The following ENOX1 variants were observed in gnomAD, a reference collection of about 807,000 sequenced individuals.
The protein encoded by ENOX1 is candidate growth-related and time keeping constitutive hydroquinone (NADH) oxidase.
ENOX1 carries 42 observed loss-of-function variants against 82.5 expected under a neutral mutation model. The ratio of observed to expected loss-of-function variants is 0.51; its 90% CI spans 0.40 to 0.66. The LOEUF (loss-of-function observed/expected upper bound fraction) is 0.66, where lower values mean the gene tolerates loss of function less well. Ranked by LOEUF, ENOX1 falls within the 30% of genes least tolerant of loss-of-function variation. The pLI, the probability that ENOX1 is intolerant of heterozygous loss-of-function variation, is 0.00. For missense variants in ENOX1, 608 were observed against 811.6 expected (o/e 0.75, Z 3.05); for synonymous variants, 271 against 282.2 (o/e 0.96, Z 0.40).
At chr13:43,766,551 T>C (rs891667540) in intron 1 of ENOX1, among the ~76,000 whole-genome samples, 26 of 152,112 alleles carry the variant, frequency 1.7e-4, no homozygotes, top group African/African-American at 6.0e-4. Context: ...CTGCTATAGC[T>C]CAACTGTAGA....
intron 1 of ENOX1, among the ~76,000 whole-genome samples, chr13:43,742,393 C>T (rs1949785518): frequency 6.6e-6 from 1 of 151,758 alleles, no homozygotes; most frequent in Non-Finnish European, 1.5e-5. Flanking sequence ...AAAATGGATA[C>T]TCAAGCAAAG....
chr13:43,413,195 A>G (rs2054239519), intron 3 of ENOX1, among the ~76,000 whole-genome samples: 1 of 152,122 alleles, frequency 6.6e-6, no homozygotes, highest in Non-Finnish European at 1.5e-5. Context: ...GGGTCAACTC[A>G]TCGACTCACC....
At chr13:43,392,557 C>T (rs1462766876) in intron 5 of ENOX1, among the ~76,000 whole-genome samples, 1 of 152,012 alleles carries the variant, frequency 6.6e-6, no homozygotes, top group Admixed American at 6.6e-5. Flanking sequence ...TAGCCAGGCG[C>T]AGTGGCAGGT....
chr13:43,439,393 G>A (rs1594611141), intron 3 of ENOX1, among the ~76,000 whole-genome samples: 2 of 151,994 alleles, frequency 1.3e-5, no homozygotes, highest in Non-Finnish European at 2.9e-5. Context: ...ATAGAGACAG[G>A]GTTTCACCAT....
intron 2 of ENOX1, among the ~76,000 whole-genome samples, chr13:43,584,568 C>T (rs906510952): frequency 9.2e-5 from 14 of 152,148 alleles, no homozygotes; most frequent in Non-Finnish European, 1.8e-4. Context: ...TACAAAAATG[C>T]CACATTCCAA....
chr13:43,604,309 GA>G (rs2081882339), intron 2 of ENOX1, among the ~76,000 whole-genome samples: 1 of 151,876 alleles, frequency 6.6e-6, no homozygotes, highest in Non-Finnish European at 1.5e-5. Context: ...AGTAGGTTGC[GA>G]AAATTTTCTC....
At chr13:43,745,878 T>C (rs1471874167) in intron 1 of ENOX1, among the ~76,000 whole-genome samples, 36 of 152,170 alleles carry the variant, frequency 2.4e-4, no homozygotes, top group Admixed American at 2.4e-3. Flanking sequence ...TGCTGCCATG[T>C]GAAGAAGGAC....
At chr13:43,594,239 A>G (rs1045304074) in intron 2 of ENOX1, among the ~76,000 whole-genome samples, 2 of 147,184 alleles carry the variant, frequency 1.4e-5, no homozygotes, top group African/African-American at 5.0e-5. Flanking sequence ...ACAGCAAGTT[A>G]CTTCTGTCTA....
At chr13:43,752,333 C>T (rs1950369142) in intron 1 of ENOX1, among the ~76,000 whole-genome samples, 1 of 151,962 alleles carries the variant, frequency 6.6e-6, no homozygotes, top group Non-Finnish European at 1.5e-5. Context: ...TGTGGTTTAT[C>T]TTTGCATTCT....
At chr13:43,334,196 C>T (rs929232096) in intron 9 of ENOX1, among the ~76,000 whole-genome samples, 6 of 152,170 alleles carry the variant, frequency 3.9e-5, no homozygotes, top group African/African-American at 9.6e-5. Flanking sequence ...AGTTTTGCAA[C>T]GACTGTCTGA....
At position 43,354,299 on chromosome 13, in the gene ENOX1, T is replaced by A. The variant is rs1394373799; in HGVS notation, c.823+1620A>T. On this transcript the variant is annotated intron_variant, in intron 8 of 16. Transcript: ENST00000690772. The stretch of plus-strand genomic sequence containing the variant: ...AAAGGCACAGCCATGGCCTATGTAT[T>A]TACATCAGTAAGACATGTTTTCTCA... Among the ~76,000 whole-genome samples, 3 of 152,180 alleles carry A rather than the reference T, an allele frequency of 2.0e-5. No homozygotes were observed. The East Asian group carries it at 5.8e-4, about 29-fold the overall frequency.
intron 2 of ENOX1, among the ~76,000 whole-genome samples, chr13:43,517,715 CAT>C (rs1339938865): frequency 6.6e-6 from 1 of 152,094 alleles, no homozygotes; most frequent in Non-Finnish European, 1.5e-5. Flanking sequence ...CCCCAAAATT[CAT>C]ATGTTGAAAT....
chr13:43,455,940 T>C (rs2057205757), intron 3 of ENOX1, among the ~76,000 whole-genome samples: 1 of 152,344 alleles, frequency 6.6e-6, no homozygotes, highest in South Asian at 2.1e-4. Flanking sequence ...ATTAAACTTC[T>C]TTTTTTAAGT....
chr13:43,372,464 A>G (rs1488828057), intron 5 of ENOX1, among the ~76,000 whole-genome samples: 1 of 152,200 alleles, frequency 6.6e-6, no homozygotes, highest in Non-Finnish European at 1.5e-5. Flanking sequence ...CAGTAGGGTA[A>G]GTATGGTCTC....
intron 12 of ENOX1, among the ~76,000 whole-genome samples, chr13:43,282,310 G>T (rs1451481744): frequency 1.3e-5 from 2 of 151,992 alleles, no homozygotes; most frequent in African/African-American, 4.8e-5. Flanking sequence ...AACTGAGCCT[G>T]GCCTATAATT....
chr13:43,631,296 T>C (rs7327215), intron 2 of ENOX1, among the ~76,000 whole-genome samples: 5,460 of 152,242 alleles, frequency 0.036, 309 homozygotes, highest in African/African-American at 0.12. Context: ...GCAGGAAACC[T>C]GGTTCTGGGT....
intron 16 of ENOX1, among the ~76,000 whole-genome samples, chr13:43,222,795 A>G (rs1391127102): frequency 6.6e-6 from 1 of 152,216 alleles, no homozygotes; most frequent in East Asian, 1.9e-4. Flanking sequence ...CAACAAAGGA[A>G]CATTGTGCAG....
chr13:43,240,485 C>T (rs1266196666), intron 14 of ENOX1, among the ~76,000 whole-genome samples: 1 of 152,040 alleles, frequency 6.6e-6, no homozygotes, highest in East Asian at 1.9e-4. Context: ...AGTCAGCCTA[C>T]TGCAAAAATG....
At chr13:43,307,746 T>A (rs1401125933) in intron 11 of ENOX1, among the ~76,000 whole-genome samples, 1 of 152,246 alleles carries the variant, frequency 6.6e-6, no homozygotes, top group African/African-American at 2.4e-5. Context: ...GCGTAAATCC[T>A]ACAGGCAGTG....
Sources: allele counts gnomAD v4.1 joint callset (sites outside exome capture counted in the v4.1 genomes callset), GRCh38; gene constraint gnomAD v4.1.1; transcripts MANE v1.5; gene names NCBI Gene and HGNC (gene_info 2026-07-23, HGNC 2026-07-21).